The following PRPS2 variants were observed in gnomAD, a reference collection of about 807,000 sequenced individuals.
The protein encoded by PRPS2 is ribose-phosphate pyrophosphokinase 2.
For missense variants in PRPS2, 104 were observed against 271.5 expected (o/e 0.38, Z 4.34); for synonymous variants, 111 against 115.3 (o/e 0.96, Z 0.24).
At chrX:12,810,226 A>G (rs1232202863) in intron 4 of PRPS2, 80 bp downstream of exon 4, 1 of 1,146,367 alleles carries the variant, frequency 8.7e-7, no homozygotes, top group Non-Finnish European at 1.2e-6. Flanking sequence ...ATAAGGAAGC[A>G]TGCTGTAAAT....
intron 2 of PRPS2, among the ~76,000 whole-genome samples, chrX:12,799,879 TAA>T (rs753992397): frequency 9.0e-6 from 1 of 110,765 alleles, no homozygotes; most frequent in Non-Finnish European, 1.9e-5. Flanking sequence ...TCCCCCGAAA[TAA>T]AAAGTTTAAT....
At position 12,799,871 on chromosome X, in the gene PRPS2, C is replaced by T. The variant is rs1398534304; in HGVS notation, c.306+481C>T. On this transcript the variant is annotated intron_variant, in intron 2 of 6. Transcript: ENST00000380668. ...ACAACTGCATGTCTATCTACAATTC[C>T]CCCGAAATAAAAAGTTTAATTAAAA... Among the ~76,000 whole-genome samples the T allele has an allele frequency of 3.6e-5, 4 of 110,940 alleles. No homozygotes were observed. In the East Asian group the frequency reaches 8.4e-4, roughly 23 times the overall value.
At chrX:12,818,366 C>CAAAAA (rs35450855) in intron 4 of PRPS2, among the ~76,000 whole-genome samples, 4 of 62,865 alleles carry the variant, frequency 6.4e-5, no homozygotes, top group Admixed American at 1.9e-4. Context: ...GAAACTGTCT[C>CAAAAA]AAAAAAAAAA....
At chrX:12,821,621 T>C (rs766324906) in intron 6 of PRPS2, among the ~76,000 whole-genome samples, 5 of 112,285 alleles carry the variant, frequency 4.5e-5, no homozygotes, top group Non-Finnish European at 5.6e-5. Flanking sequence ...TTTGATGTTA[T>C]ATATGTAAAT....
Position 12,791,454 on chromosome X carries a change from A to ACCT in PRPS2, c.-38_-36dup, listed in dbSNP as rs1390535248. On this transcript the variant is annotated 5_prime_UTR_variant, in exon 1 of 7. Coordinates refer to ENST00000380668, the MANE Select transcript of PRPS2 (RefSeq NM_002765.5). ...CGTCGCTGTCGCTGTTGCCTCCGCC[A>ACCT]CCTCCTCCGCCGCCGCGCGCCCCTC... is the stretch of plus-strand genomic sequence containing the variant. The ACCT allele has an allele frequency of 3.2e-5, 38 of 1,176,737 alleles. No homozygotes were observed. The highest frequency in any genetic ancestry group is 4.1e-5 in the Non-Finnish European group (36 of 878,263).
chrX:12,812,812 C>A (rs986449902), intron 4 of PRPS2, among the ~76,000 whole-genome samples: 1 of 111,399 alleles, frequency 9.0e-6, no homozygotes, highest in East Asian at 2.8e-4. Flanking sequence ...TTTACTTCCC[C>A]CCACCTTATC....
intron 3 of PRPS2, 75 bp from the exon 4 acceptor site, chrX:12,809,947 G>T: frequency 1.9e-6 from 2 of 1,071,829 alleles, no homozygotes; most frequent in Middle Eastern, 3.7e-4. Flanking sequence ...TAATGAAAGC[G>T]ATTATCGTTT....
At chrX:12,821,102 C>T (rs1442790184) in intron 6 of PRPS2, among the ~76,000 whole-genome samples, 1 of 111,889 alleles carries the variant, frequency 8.9e-6, no homozygotes, top group Non-Finnish European at 1.9e-5. Context: ...ATAATTCCAC[C>T]CCTAGGTATA....
chrX:12,820,592 T>C, intron 5 of PRPS2, 52 bp from the exon 6 acceptor site: 1 of 1,141,320 alleles, frequency 8.8e-7, no homozygotes. Context: ...TAGGGGAGAG[T>C]ATTCCAAGAA....
At chrX:12,809,206 G>A (rs746142119) in intron 2 of PRPS2, 28 bp from the exon 3 acceptor site, 2 of 1,172,057 alleles carry the variant, frequency 1.7e-6, no homozygotes, top group Non-Finnish European at 2.3e-6. Context: ...ATCTTTTCCT[G>A]TTATAAAATT....
At chrX:12,808,354 T>C (rs1314203800) in intron 2 of PRPS2, among the ~76,000 whole-genome samples, 2 of 109,487 alleles carry the variant, frequency 1.8e-5, no homozygotes. Context: ...TGAAATCTTT[T>C]TTTAAGCTTT....
intron 4 of PRPS2, among the ~76,000 whole-genome samples, chrX:12,819,084 C>T (rs941790112): frequency 1.8e-5 from 2 of 112,451 alleles, no homozygotes; most frequent in Admixed American, 1.9e-4. Context: ...TGAAGCCCAT[C>T]CTGACTAGCC....
chrX:12,802,408 G>A (rs768433646), intron 2 of PRPS2, among the ~76,000 whole-genome samples: 2 of 111,724 alleles, frequency 1.8e-5, no homozygotes, highest in Admixed American at 9.5e-5. Flanking sequence ...CAGTGGTGCC[G>A]TCTCAGCTCA....
chrX:12,804,393 C>T (rs2042583646), intron 2 of PRPS2, among the ~76,000 whole-genome samples: 1 of 111,149 alleles, frequency 9.0e-6, no homozygotes, highest in Admixed American at 9.7e-5. Context: ...CTGCTCACCT[C>T]GGCCTCCCAA....
chrX:12,815,838 T>A (rs1303249115), intron 4 of PRPS2, among the ~76,000 whole-genome samples: 1 of 109,589 alleles, frequency 9.1e-6, no homozygotes, highest in African/African-American at 3.4e-5. Flanking sequence ...AGATGGAGTT[T>A]CACCATGTTG....
chrX:12,815,352 G>A (rs1276968255), intron 4 of PRPS2, among the ~76,000 whole-genome samples: 1 of 110,494 alleles, frequency 9.1e-6, no homozygotes, highest in Non-Finnish European at 1.9e-5. Context: ...GAGAACAGGC[G>A]CCACCTGGCA....
intron 2 of PRPS2, among the ~76,000 whole-genome samples, chrX:12,804,173 G>A (rs1569095189): frequency 9.2e-6 from 1 of 108,656 alleles, no homozygotes; most frequent in African/African-American, 3.4e-5. Flanking sequence ...ACAGAGTCTC[G>A]CTCTGTCACC....
At chrX:12,798,686 C>T (rs758220011) in intron 1 of PRPS2, among the ~76,000 whole-genome samples, 9 of 111,984 alleles carry the variant, frequency 8.0e-5, no homozygotes, top group African/African-American at 2.9e-4. Context: ...AAGGTTGGCC[C>T]TTGGCTGGCC....
Position 12,819,544 on chromosome X carries a change from G to T in PRPS2, c.568G>T (p.Ala190Ser), listed in dbSNP as rs2042665648. The change falls in exon 5 of 7, where the codon GCT becomes TCT. Residue 190 changes from alanine to serine, a missense_variant. Ala to Ser is a moderately conservative substitution (Grantham distance 99). Transcript: ENST00000380668. Reference sequence around the variant, plus strand: ...TGCAGACAGGTTGAATGTGGAATTTGCTTTGATCCACAAAGAGAGGAAGAA... The same window carrying T: ...TGCAGACAGGTTGAATGTGGAATTTTCTTTGATCCACAAAGAGAGGAAGAA... ...SIADRLNVEF[A>S]LIHKERKKAN... The T allele has an allele frequency of 8.3e-7, 1 of 1,209,397 alleles. No homozygotes were observed. The highest frequency in any genetic ancestry group is 1.1e-6 in the Non-Finnish European group (1 of 894,673).
Sources: allele counts gnomAD v4.1 joint callset (sites outside exome capture counted in the v4.1 genomes callset), GRCh38; gene constraint gnomAD v4.1.1; transcripts MANE v1.5; gene names NCBI Gene and HGNC (gene_info 2026-07-23, HGNC 2026-07-21).